Variants in HCN1 observed in about 807,000 individuals in gnomAD.
HCN1 encodes the protein potassium/sodium hyperpolarization-activated cyclic nucleotide-gated channel 1.
In HCN1, 13 loss-of-function variants were observed where a neutral mutation model predicts 78.9. The observed-to-expected ratio is 0.16, with a 90% CI of 0.11 to 0.26. The LOEUF is 0.26. Ranked by LOEUF, HCN1 falls within the 10% of genes least tolerant of loss-of-function variation. The pLI, the probability that HCN1 is intolerant of heterozygous loss-of-function variation, is 1.00. For synonymous variants in HCN1, 552 were observed against 455.5 expected, an observed-to-expected ratio of 1.21 and a Z score of -2.70; for missense variants, 810 against 1,154.3, an observed-to-expected ratio of 0.70 and a Z score of 4.32.
At chr5:45,328,015 G>C (rs907654269) in intron 5 of HCN1, among the ~76,000 whole-genome samples, 12 of 151,692 alleles carry the variant, frequency 7.9e-5, no homozygotes, top group Non-Finnish European at 1.6e-4. Context: ...GTGACAAGAA[G>C]AATGAAGTTG....
rs746665222 is a variant in HCN1 at position 45,262,410 on chromosome 5, T to C, written c.2184A>G (p.Ser728=). Residue 728 remains serine, a synonymous_variant, in exon 8 of 8, where the codon TCA becomes TCG. Transcript: ENST00000303230. Reference sequence around the variant, plus strand: ...GCTGCTGCGGCTGCTGTTGCATGAGTGACAGCTGGGAGGCGGTGGGGGAGG... The same window carrying C: ...GCTGCTGCGGCTGCTGTTGCATGAGCGACAGCTGGGAGGCGGTGGGGGAGG... ...HYASPTASQL[S]LMQQQPQQQV... 6.2e-7 allele frequency: 1 copy of C among 1,611,294 alleles called. No homozygotes were observed. The highest frequency in any genetic ancestry group is 1.3e-5 in the African/African-American group (1 of 74,836).
chr5:45,377,414 T>C (rs1314863868), intron 4 of HCN1, among the ~76,000 whole-genome samples: 2 of 151,976 alleles, frequency 1.3e-5, no homozygotes, highest in African/African-American at 4.8e-5. Context: ...TTATTAAAAA[T>C]GATCTTTTTT....
rs182696788 is a variant in HCN1 at position 45,550,685 on chromosome 5, G to C, written c.850-88678C>G. On this transcript the variant is annotated intron_variant, in intron 2 of 7. Coordinates refer to ENST00000303230, the MANE Select transcript of HCN1 (RefSeq NM_021072.4). ...AATGGATGAGTTTTTCATTTTAATA[G>C]ATGATTTCTAAAGTTTTCATTGTGA... Among the ~76,000 whole-genome samples the C allele has an allele frequency of 3.7e-3, 564 of 151,790 alleles. 2 individuals carry two copies. Among genetic ancestry groups the C allele is most frequent in the Middle Eastern group, 0.014 (4 of 294 alleles).
At chr5:45,460,707 G>T (rs1168885508) in intron 3 of HCN1, among the ~76,000 whole-genome samples, 1 of 148,862 alleles carries the variant, frequency 6.7e-6, no homozygotes, top group Non-Finnish European at 1.5e-5. Flanking sequence ...AAGACAAAAA[G>T]AAAAAGGAAG....
rs372014872 is a variant in HCN1, at chr5:45,373,143, TAA to T, written c.1231-19899_1231-19898del. Among the ~76,000 whole-genome samples the T allele has an allele frequency of 5.2e-3, 650 of 124,716 alleles. 2 individuals are homozygous for T. The highest frequency in any genetic ancestry group is 0.012 in the Middle Eastern group (1 of 84). The allele number at this position is 124,716 out of a possible 152,430, so 81.8% of individuals were successfully genotyped here. On this transcript the variant is annotated intron_variant, in intron 4 of 7. Transcript: ENST00000303230. ...TCATATATATAAAATATATAGTATA[TAA>T]TATATATAAAAATATATGTACTTTA... is the stretch of plus-strand genomic sequence containing the variant.
At chr5:45,304,641 C>T (rs2111906541) in intron 5 of HCN1, among the ~76,000 whole-genome samples, 2 of 152,168 alleles carry the variant, frequency 1.3e-5, no homozygotes, top group South Asian at 4.2e-4. Context: ...TACCACTGCA[C>T]TCCATCTTGG....
intron 2 of HCN1, among the ~76,000 whole-genome samples, chr5:45,509,225 T>C (rs1354559285): frequency 6.6e-6 from 1 of 152,102 alleles, no homozygotes; most frequent in African/African-American, 2.4e-5. Flanking sequence ...AGCGGAGAGA[T>C]TGCCACATAA....
intron 5 of HCN1, among the ~76,000 whole-genome samples, chr5:45,306,096 G>C (rs1351640615): frequency 6.6e-6 from 1 of 152,058 alleles, no homozygotes; most frequent in Non-Finnish European, 1.5e-5. Context: ...ACAGAGTTAT[G>C]TCATGAAAAT....
intron 2 of HCN1, among the ~76,000 whole-genome samples, chr5:45,572,504 A>G (rs1743856868): frequency 6.6e-6 from 1 of 152,208 alleles, no homozygotes; most frequent in Non-Finnish European, 1.5e-5. Context: ...GATTTTTTAA[A>G]AAGATAAAAA....
intron 2 of HCN1, among the ~76,000 whole-genome samples, chr5:45,551,907 TG>T (rs1743377983): frequency 6.6e-6 from 1 of 151,956 alleles, no homozygotes; most frequent in African/African-American, 2.4e-5. Flanking sequence ...TTAGCCAAAA[TG>T]GTAATAGATT....
chr5:45,579,033 C>T (rs896386202), intron 2 of HCN1, among the ~76,000 whole-genome samples: 3 of 151,978 alleles, frequency 2.0e-5, no homozygotes, highest in Admixed American at 6.6e-5. Context: ...CCTCTCATAT[C>T]AAAAGTAATG....
chr5:45,518,902 T>A (rs1295330993), intron 2 of HCN1, among the ~76,000 whole-genome samples: 1 of 151,944 alleles, frequency 6.6e-6, no homozygotes, highest in Non-Finnish European at 1.5e-5. Context: ...TGCCTTCATA[T>A]AAGATCTCAG....
chr5:45,499,916 A>AT (rs1168482387), intron 2 of HCN1, among the ~76,000 whole-genome samples: 1 of 152,200 alleles, frequency 6.6e-6, no homozygotes, highest in Admixed American at 6.5e-5. Flanking sequence ...ACCTATACAC[A>AT]TAAAAATGCT....
chr5:45,514,800 C>G lies in HCN1; in HGVS notation c.850-52793G>C, dbSNP rs760511920. On this transcript the variant is annotated intron_variant, in intron 2 of 7. Coordinates refer to ENST00000303230, the MANE Select transcript of HCN1 (RefSeq NM_021072.4). ...AAACCTGTTTAGGGTATTTAGTCTA[C>G]GAAACTCATGACAAAAAACATCCAG... 3.2e-4 allele frequency among the ~76,000 whole-genome samples: 48 copies of G among 152,024 alleles called. 1 individual carries two copies. In the South Asian group the frequency reaches 3.3e-3, roughly 11 times the overall value.
chr5:45,641,741 T>G (rs1223216720), intron 2 of HCN1: 5 of 152,144 alleles, frequency 3.3e-5, no homozygotes, highest in Admixed American at 2.0e-4. Flanking sequence ...TCTAAAAAAT[T>G]TCGAAGGTCA....
intron 3 of HCN1, among the ~76,000 whole-genome samples, chr5:45,397,633 A>C (rs1455519218): frequency 2.6e-5 from 4 of 151,746 alleles, no homozygotes; most frequent in African/African-American, 9.7e-5. Context: ...TGCGGGAAAA[A>C]AACTTATTAA....
At chr5:45,281,971 T>G in intron 6 of HCN1, among the ~76,000 whole-genome samples, 1 of 152,156 alleles carries the variant, frequency 6.6e-6, no homozygotes. Context: ...TCTTTCATAT[T>G]GAGCCACACG....
Position 45,639,931 on chromosome 5 carries a change from A to G in HCN1, c.849+5254T>C, listed in dbSNP as rs139651181. Reference sequence around the variant, plus strand: ...GCACAAATTCTGGTCTACATCTCCAAACTCAATCTGGGAATCTGCATCTAC... The same window carrying G: ...GCACAAATTCTGGTCTACATCTCCAGACTCAATCTGGGAATCTGCATCTAC... On this transcript the variant is annotated intron_variant, in intron 2 of 7. Coordinates refer to ENST00000303230, the MANE Select transcript of HCN1 (RefSeq NM_021072.4). Among the ~76,000 whole-genome samples, 394 of 152,180 alleles carry G rather than the reference A, an allele frequency of 2.6e-3. 6 individuals are homozygous for G. The highest frequency in any genetic ancestry group is 8.9e-3 in the African/African-American group (370 of 41,538).
At chr5:45,465,833 C>T (rs1157393495) in intron 2 of HCN1, among the ~76,000 whole-genome samples, 3 of 152,102 alleles carry the variant, frequency 2.0e-5, no homozygotes, top group South Asian at 2.1e-4. Context: ...TTAGGAGACA[C>T]GGTGCTTTAC....
Sources: gnomAD v4.1 joint callset for allele counts (sites outside exome capture counted in the v4.1 genomes callset) on GRCh38, gnomAD v4.1.1 for gene constraint, MANE v1.5 for transcripts, NCBI Gene and HGNC (gene_info 2026-07-23, HGNC 2026-07-21) for gene names.